Variants in CDKN2B-AS1 observed in about 807,000 individuals in gnomAD.
The protein encoded by CDKN2B-AS1 is CDKN2B antisense RNA 1 (non-protein coding).
chr9:22,043,553 T>C (rs769168845), intron 1 of CDKN2B-AS1, among the ~76,000 whole-genome samples: 1 of 151,976 alleles, frequency 6.6e-6, no homozygotes, highest in East Asian at 1.9e-4. Flanking sequence ...GTGAAAGATT[T>C]GCTTCTTTCA....
intron 4 of CDKN2B-AS1, among the ~76,000 whole-genome samples, chr9:22,116,211 C>T (rs1825946023): frequency 6.6e-6 from 1 of 152,154 alleles, no homozygotes; most frequent in Admixed American, 6.5e-5. Flanking sequence ...GTAGTCTGTA[C>T]TCCCCATGAT....
chr9:22,068,217 T>C (rs1824142606), intron 4 of CDKN2B-AS1, among the ~76,000 whole-genome samples: 1 of 152,170 alleles, frequency 6.6e-6, no homozygotes, highest in Admixed American at 6.6e-5. Context: ...TCCACATACA[T>C]ACATCTTTGT....
intron 4 of CDKN2B-AS1, chr9:22,118,282 A>AG (rs1826007750): frequency 6.6e-6 from 1 of 152,218 alleles, no homozygotes; most frequent in African/African-American, 2.4e-5. Flanking sequence ...AGAGAGAGAA[A>AG]GAGAGACACA....
At chr9:22,041,838 C>A (rs1822909450) in intron 1 of CDKN2B-AS1, among the ~76,000 whole-genome samples, 2 of 152,028 alleles carry the variant, frequency 1.3e-5, no homozygotes, top group South Asian at 4.1e-4. Context: ...TCACCAGAAG[C>A]AATAGGGAGT....
chr9:22,059,914 T>A (rs952005689), intron 4 of CDKN2B-AS1, among the ~76,000 whole-genome samples: 1 of 152,198 alleles, frequency 6.6e-6, no homozygotes, highest in African/African-American at 2.4e-5. Context: ...TATATTGGCC[T>A]CTTTCAGCCA....
rs1308672931 is a variant in CDKN2B-AS1, at chr9:21,999,075, G to C, written n.29+3914G>C. On this transcript the variant is annotated intron_variant and non_coding_transcript_variant, in intron 1 of 4. Coordinates refer to ENST00000650946, the Ensembl canonical transcript of CDKN2B-AS1. The surrounding 1 kb of genome is among the most constrained non-coding windows in gnomAD (Gnocchi z 4.7). ...ATTAATAAATGTAAACAGAAACAAT[G>C]GCATATAACCACAAGTGTGGCAAAA... Among the ~76,000 whole-genome samples, 2 of 152,064 alleles carry C rather than the reference G, an allele frequency of 1.3e-5. No individual in the cohort carries two copies. Among genetic ancestry groups the C allele is most frequent in the East Asian group, 3.9e-4 (2 of 5,188 alleles).
chr9:22,063,687 A>G (rs1328371798), intron 4 of CDKN2B-AS1, among the ~76,000 whole-genome samples: 1 of 152,140 alleles, frequency 6.6e-6, no homozygotes, highest in Non-Finnish European at 1.5e-5. Context: ...TTAGATGACA[A>G]CTACTGTTTC....
intron 4 of CDKN2B-AS1, among the ~76,000 whole-genome samples, chr9:22,102,534 G>T (rs1165061052): frequency 6.6e-6 from 1 of 152,134 alleles, no homozygotes; most frequent in East Asian, 1.9e-4. Flanking sequence ...TCTGTTCCTT[G>T]CCTCTTCCAC....
At position 22,095,109 on chromosome 9, in the gene CDKN2B-AS1, G is replaced by A. The variant is rs976703594; in HGVS notation, n.439-31994G>A. On this transcript the variant is annotated intron_variant and non_coding_transcript_variant, in intron 4 of 4. Transcript: ENST00000650946. ...CGCTGTTTGCCTGGGTATCAGCAGC[G>A]GAGGCTGCAGAACGGCGAATGTTGC... 1.0e-4 allele frequency among the ~76,000 whole-genome samples: 15 copies of A among 144,830 alleles called. 4 individuals carry two copies. Among genetic ancestry groups the A allele is most frequent in the African/African-American group, 3.2e-4 (11 of 34,844 alleles).
At chr9:22,018,164 A>C (rs1372782936) in intron 1 of CDKN2B-AS1, among the ~76,000 whole-genome samples, 1 of 151,440 alleles carries the variant, frequency 6.6e-6, no homozygotes, top group Non-Finnish European at 1.5e-5. Flanking sequence ...TCTCTACTAA[A>C]AATACAAAAA....
At chr9:21,998,535 G>A (rs551021041) in intron 1 of CDKN2B-AS1, among the ~76,000 whole-genome samples, 2 of 152,348 alleles carry the variant, frequency 1.3e-5, no homozygotes, top group East Asian at 3.9e-4. Context: ...TCAATAGGGA[G>A]TGAGTTATCT....
In CDKN2B-AS1 at chr9:21,999,045, TACTC is replaced by T. The variant is rs1206102622; in HGVS notation, n.29+3886_29+3889del. On this transcript the variant is annotated intron_variant and non_coding_transcript_variant, in intron 1 of 4. Transcript: ENST00000650946. The surrounding 1 kb of genome is among the most constrained non-coding windows in gnomAD (Gnocchi z 4.7). The stretch of plus-strand genomic sequence containing the variant: ...ATAGTAAAAAATAAAAAGATAATCT[TACTC>T]ATTAATAAATGTAAACAGAAACAAT... 6.6e-6 allele frequency among the ~76,000 whole-genome samples: 1 copy of T among 152,106 alleles called. No homozygotes were observed. The highest frequency in any genetic ancestry group is 1.5e-5 in the Non-Finnish European group (1 of 67,988).
At chr9:22,062,978 C>CAG (rs1205266853) in intron 4 of CDKN2B-AS1, among the ~76,000 whole-genome samples, 10 of 116,634 alleles carry the variant, frequency 8.6e-5, no homozygotes, top group South Asian at 3.1e-4. Context: ...GAAAGACAGA[C>CAG]ACACACACAT....
chr9:21,998,475 G>A (rs1337368879), intron 1 of CDKN2B-AS1, among the ~76,000 whole-genome samples: 1 of 152,220 alleles, frequency 6.6e-6, no homozygotes, highest in East Asian at 1.9e-4. Flanking sequence ...CATCAGGCAG[G>A]CCTTTGGGTT....
chr9:22,034,086 T>C (rs1239640497), intron 1 of CDKN2B-AS1, among the ~76,000 whole-genome samples: 1 of 152,214 alleles, frequency 6.6e-6, no homozygotes, highest in Non-Finnish European at 1.5e-5. Flanking sequence ...GGTGAATAGA[T>C]ACAGATACAA....
intron 4 of CDKN2B-AS1, among the ~76,000 whole-genome samples, chr9:22,098,029 T>C (rs907993626): frequency 6.6e-6 from 1 of 152,160 alleles, no homozygotes; most frequent in Non-Finnish European, 1.5e-5. Flanking sequence ...CATACTTGTC[T>C]CCTTGATTAG....
chr9:22,066,996 T>C (rs1824071226), intron 4 of CDKN2B-AS1, among the ~76,000 whole-genome samples: 2 of 151,986 alleles, frequency 1.3e-5, no homozygotes, highest in African/African-American at 2.4e-5. Flanking sequence ...TTCTCACTCA[T>C]AGGTGGGAGT....
chr9:22,024,844 C>T (rs1202074024), intron 1 of CDKN2B-AS1, among the ~76,000 whole-genome samples: 3 of 152,172 alleles, frequency 2.0e-5, no homozygotes, highest in Non-Finnish European at 4.4e-5. Flanking sequence ...TGGAGTTCTC[C>T]ACTGGTCAGG....
exon 5 of CDKN2B-AS1, among the ~76,000 whole-genome samples, chr9:22,127,933 G>T (rs894203128): frequency 1.3e-5 from 2 of 152,132 alleles, no homozygotes; most frequent in African/African-American, 4.8e-5. Context: ...AGACAACTGG[G>T]TGCATAAAAA....
Sources: allele counts gnomAD v4.1 joint callset (sites outside exome capture counted in the v4.1 genomes callset), GRCh38; gene constraint gnomAD v4.1.1; non-coding constraint Gnocchi (gnomAD v3.1); transcripts MANE v1.5; gene names NCBI Gene and HGNC (gene_info 2026-07-23, HGNC 2026-07-21).